Variants in CSMD1 observed in about 807,000 individuals in gnomAD.
The protein encoded by CSMD1 is CUB and Sushi multiple domains 1, also known as CUB and sushi domain-containing protein 1.
A neutral mutation model predicts 417.5 loss-of-function variants in CSMD1; 213 were observed. The ratio of observed to expected loss-of-function variants is 0.51; its 90% CI spans 0.46 to 0.57. The LOEUF (loss-of-function observed/expected upper bound fraction) is 0.57, where lower values mean the gene tolerates loss of function less well. CSMD1 is among the 20% of genes least tolerant of loss of function. The pLI, the probability that CSMD1 is intolerant of heterozygous loss-of-function variation, is 0.00. For missense variants in CSMD1, 6,923 were observed against 4,529.7 expected (o/e 1.53, Z -15.17); for synonymous variants, 2,862 against 1,736.8 (o/e 1.65, Z -16.11).
At chr8:4,114,093 G>A (rs1192295992) in intron 3 of CSMD1, among the ~76,000 whole-genome samples, 1 of 152,200 alleles carries the variant, frequency 6.6e-6, no homozygotes, top group Non-Finnish European at 1.5e-5. Flanking sequence ...GCCTTATGTA[G>A]GAAGAAGATG....
Position 3,902,301 on chromosome 8 carries a change from G to T in CSMD1, c.818+95602C>A, listed in dbSNP as rs140661919. 6.9e-3 allele frequency among the ~76,000 whole-genome samples: 1,054 copies of T among 152,230 alleles called. 15 individuals are homozygous for T. The highest frequency in any genetic ancestry group is 0.024 in the African/African-American group (1,000 of 41,542). ...CCCTCACCCATTACTGTCAAATCCT[G>T]TTACTCCAACTATTACCCAGTAAGG... is the stretch of plus-strand genomic sequence containing the variant. On this transcript the variant is annotated intron_variant, in intron 5 of 69. Coordinates refer to ENST00000635120, the MANE Select transcript of CSMD1 (RefSeq NM_033225.6).
chr8:4,288,816 T>A (rs78637787), intron 3 of CSMD1, among the ~76,000 whole-genome samples: 4,059 of 152,276 alleles, frequency 0.027, 181 homozygotes, highest in African/African-American at 0.093. Context: ...CAAAATCAAG[T>A]CCCATTACGT....
chr8:3,624,852 C>T (rs1417707032), intron 7 of CSMD1, among the ~76,000 whole-genome samples: 2 of 152,158 alleles, frequency 1.3e-5, no homozygotes, highest in East Asian at 1.9e-4. Flanking sequence ...AGTAATAGCT[C>T]TATTTTAATA....
At chr8:4,534,295 A>G (rs1156679436) in intron 2 of CSMD1, among the ~76,000 whole-genome samples, 1 of 152,114 alleles carries the variant, frequency 6.6e-6, no homozygotes, top group African/African-American at 2.4e-5. Flanking sequence ...GGCCAGCCCG[A>G]CTCATATGGC....
intron 1 of CSMD1, among the ~76,000 whole-genome samples, chr8:4,884,198 G>A (rs1173388065): frequency 6.6e-6 from 1 of 151,802 alleles, no homozygotes; most frequent in Non-Finnish European, 1.5e-5. Context: ...TGAGCTGTAA[G>A]AACTTCGTGT....
At chr8:4,351,588 A>T (rs1801096520) in intron 3 of CSMD1, among the ~76,000 whole-genome samples, 1 of 152,214 alleles carries the variant, frequency 6.6e-6, no homozygotes, top group African/African-American at 2.4e-5. Context: ...TTATGCAAAA[A>T]TCCTGAAAGA....
At chr8:4,219,121 G>A (rs889935432) in intron 3 of CSMD1, among the ~76,000 whole-genome samples, 1 of 152,126 alleles carries the variant, frequency 6.6e-6, no homozygotes, top group Non-Finnish European at 1.5e-5. Context: ...ATCAGACCCA[G>A]CCTCCTTTCA....
At chr8:3,556,293 C>T (rs1010159319) in intron 10 of CSMD1, among the ~76,000 whole-genome samples, 1 of 150,402 alleles carries the variant, frequency 6.6e-6, no homozygotes, top group African/African-American at 2.5e-5. Flanking sequence ...CCCCCACTAC[C>T]CTTCCCAGCC....
At chr8:3,882,235 T>A (rs184513738) in intron 5 of CSMD1, among the ~76,000 whole-genome samples, 1 of 151,926 alleles carries the variant, frequency 6.6e-6, no homozygotes, top group Non-Finnish European at 1.5e-5. Context: ...AAAAAAGTAA[T>A]TGATTTGAAC....
intron 1 of CSMD1, among the ~76,000 whole-genome samples, chr8:4,957,473 G>T (rs775099888): frequency 1.3e-5 from 2 of 152,118 alleles, no homozygotes; most frequent in Non-Finnish European, 2.9e-5. Context: ...GATCATTTCA[G>T]GGAAGACACA....
intron 10 of CSMD1, among the ~76,000 whole-genome samples, chr8:3,495,672 G>C (rs578115391): frequency 3.0e-4 from 45 of 152,302 alleles, no homozygotes; most frequent in African/African-American, 1.1e-3. Flanking sequence ...CTGTAAAATA[G>C]AAGTATGTGT....
At chr8:3,226,628 A>G (rs1167894303) in intron 27 of CSMD1, among the ~76,000 whole-genome samples, 3 of 151,908 alleles carry the variant, frequency 2.0e-5, no homozygotes, top group Non-Finnish European at 4.4e-5. Flanking sequence ...GGTCTACAGA[A>G]TTCTCCTTCT....
intron 1 of CSMD1, among the ~76,000 whole-genome samples, chr8:4,865,755 A>C (rs1802388909): frequency 1.3e-5 from 2 of 151,904 alleles, no homozygotes; most frequent in South Asian, 4.1e-4. Context: ...AGAAAAGCTC[A>C]ACCCTAGCCC....
chr8:4,248,061 G>T (rs11776092), intron 3 of CSMD1, among the ~76,000 whole-genome samples: 1 of 152,000 alleles, frequency 6.6e-6, no homozygotes, highest in Non-Finnish European at 1.5e-5. Context: ...TTGAATGAAT[G>T]GAAATTGTTA....
intron 5 of CSMD1, among the ~76,000 whole-genome samples, chr8:3,796,939 A>G (rs926684217): frequency 6.6e-6 from 1 of 151,804 alleles, no homozygotes; most frequent in Non-Finnish European, 1.5e-5. Flanking sequence ...TTTGGTTAAT[A>G]TGTAATGAAG....
intron 27 of CSMD1, among the ~76,000 whole-genome samples, chr8:3,226,373 A>G (rs1169868523): frequency 6.6e-6 from 1 of 152,108 alleles, no homozygotes; most frequent in Non-Finnish European, 1.5e-5. Flanking sequence ...ATCTGAGGGC[A>G]GGAGTTCGAG....
At chr8:4,972,336 C>A (rs1179588939) in intron 1 of CSMD1, among the ~76,000 whole-genome samples, 1 of 152,098 alleles carries the variant, frequency 6.6e-6, no homozygotes, top group Non-Finnish European at 1.5e-5. Flanking sequence ...CCCCAAGTGT[C>A]AAGGGGGAGA....
intron 24 of CSMD1, 106 bp downstream of exon 24, chr8:3,308,204 AGT>A: frequency 2.4e-6 from 2 of 820,476 alleles, no homozygotes; most frequent in Non-Finnish European, 3.8e-6. Flanking sequence ...CACACTGGAA[AGT>A]GTGATAAAAT....
chr8:4,020,798 T>G (rs1796750949), intron 4 of CSMD1, among the ~76,000 whole-genome samples: 2 of 152,242 alleles, frequency 1.3e-5, no homozygotes, highest in South Asian at 2.1e-4. Context: ...AGATTTCTTT[T>G]GAGAAAACTT....
Sources: allele counts gnomAD v4.1 joint callset (sites outside exome capture counted in the v4.1 genomes callset), GRCh38; gene constraint gnomAD v4.1.1; transcripts MANE v1.5; gene names NCBI Gene and HGNC (gene_info 2026-07-23, HGNC 2026-07-21).